Variants in NEURL4 observed in about 807,000 individuals in gnomAD.
NEURL4 encodes neuralized E3 ubiquitin protein ligase 4, also known as neuralized-like protein 4.
NEURL4 carries 45 observed loss-of-function variants against 148.0 expected under a neutral mutation model. The observed-to-expected ratio is 0.30, with a 90% CI of 0.24 to 0.39. The LOEUF is 0.39. Among genes scored for constraint, NEURL4 ranks in the 10% least tolerant of loss-of-function variants. The pLI is 1.00. For synonymous variants in NEURL4, 854 were observed against 869.0 expected, an observed-to-expected ratio of 0.98 and a Z score of 0.30; for missense variants, 1,776 against 2,144.0, an observed-to-expected ratio of 0.83 and a Z score of 3.39.
Position 7,323,800 on chromosome 17 carries a change from G to T in NEURL4, c.2261+14C>A. The T allele has an allele frequency of 6.2e-7, 1 of 1,614,146 alleles. No homozygotes were observed. The highest frequency in any genetic ancestry group is 8.5e-7 in the Non-Finnish European group (1 of 1,180,022). ...GCAGGAGGAAGGTGGGGACATGAAA[G>T]TTGAGAGACTGACCGGTTGGAGATG... On this transcript the variant is annotated intron_variant, in intron 12 of 28. Transcript: ENST00000399464.
Position 7,326,411 on chromosome 17 carries a change from C to A in NEURL4, c.1204+26G>T, listed in dbSNP as rs369053080. The A allele has an allele frequency of 1.2e-6, 2 of 1,613,238 alleles. No homozygotes were observed. The highest frequency in any genetic ancestry group is 2.2e-5 in the South Asian group (2 of 91,062). On this transcript the variant is annotated intron_variant, in intron 5 of 28. Transcript: ENST00000399464. This position sits in a 1 kb window ranked among gnomAD's most constrained non-coding sequence, Gnocchi z 6.0. ...TCCCCTCAGCAACACCAGGCCTGCACCCCCGCCCCTGCCCGGGGCTGGTAC... is the reference window on the plus strand; with the variant it reads ...TCCCCTCAGCAACACCAGGCCTGCAACCCCGCCCCTGCCCGGGGCTGGTAC...
chr17:7,324,117 C>A lies in NEURL4; in HGVS notation c.2053G>T (p.Asp685Tyr). The change falls in exon 11 of 29, where the codon GAC becomes TAC. Residue 685 changes from aspartate to tyrosine, a missense_variant. Coordinates refer to ENST00000399464, the MANE Select transcript of NEURL4 (RefSeq NM_032442.3). This position sits in a 1 kb window ranked among gnomAD's most constrained non-coding sequence, Gnocchi z 5.9. Reference sequence around the variant, plus strand: ...CCAGCCCGGCCCTCACCCACGTCGTCCACAATGGTGGCCTGGGCCGCCTGG... The same window carrying A: ...CCAGCCCGGCCCTCACCCACGTCGTACACAATGGTGGCCTGGGCCGCCTGG... Reference protein sequence around the residue: ...YGQAAQATIVDDVEVAPVPEP... With the variant: ...YGQAAQATIVYDVEVAPVPEP... 6.2e-7 allele frequency: 1 copy of A among 1,613,052 alleles called. No homozygotes were observed. The highest frequency in any genetic ancestry group is 8.5e-7 in the Non-Finnish European group (1 of 1,179,986).
Position 7,327,802 on chromosome 17 carries a change from C to A in NEURL4, c.365G>T (p.Gly122Val). 6.2e-7 allele frequency: 1 copy of A among 1,613,984 alleles called. No individual in the cohort carries two copies. Among genetic ancestry groups the A allele is most frequent in the Non-Finnish European group, 8.5e-7 (1 of 1,180,028 alleles). ...CACTACCCACGAGCCCCCCTTCAGGCCCGTGGCACTGCTTGGAAAGTCCAG... is the reference window on the plus strand; with the variant it reads ...CACTACCCACGAGCCCCCCTTCAGGACCGTGGCACTGCTTGGAAAGTCCAG... ...SVLDFPSSAT[G>V]LKGGSWVVSG... Residue 122 changes from glycine to valine, a missense_variant, in exon 2 of 29, where the codon GGC becomes GTC. Coordinates refer to ENST00000399464, the MANE Select transcript of NEURL4 (RefSeq NM_032442.3). The surrounding 1 kb of genome is among the most constrained non-coding windows in gnomAD (Gnocchi z 6.6).
chr17:7,316,610 G>A (rs2072949116), intron 28 of NEURL4, among the ~76,000 whole-genome samples: 1 of 152,134 alleles, frequency 6.6e-6, no homozygotes, highest in Admixed American at 6.5e-5. Flanking sequence ...TGTTTCCATA[G>A]TCCTTACTTA....
At chr17:7,325,162 C>CCCCCCCCCCAA in intron 8 of NEURL4, 47 bp downstream of exon 8, 1 of 748,832 alleles carries the variant, frequency 1.3e-6, no homozygotes. Flanking sequence ...CCCCCCCCCC[C>CCCCCCCCCCAA]CATTAGAATC....
chr17:7,322,391 C>T lies in NEURL4; in HGVS notation c.2725+344G>A, dbSNP rs556840517. On this transcript the variant is annotated intron_variant, in intron 16 of 28. Coordinates refer to ENST00000399464, the MANE Select transcript of NEURL4 (RefSeq NM_032442.3). This position sits in a 1 kb window ranked among gnomAD's most constrained non-coding sequence, Gnocchi z 5.5. ...CAGGCTGGTCTCAAACTCTTGTGCTCGAGAGATCCACCTGCCTTGAACTCC... is the reference window on the plus strand; with the variant it reads ...CAGGCTGGTCTCAAACTCTTGTGCTTGAGAGATCCACCTGCCTTGAACTCC... Among the ~76,000 whole-genome samples the T allele has an allele frequency of 9.2e-5, 14 of 152,280 alleles. No homozygotes were observed. Among genetic ancestry groups the T allele is most frequent in the Middle Eastern group, 3.4e-3 (1 of 294 alleles).
chr17:7,320,020 C>T (rs1190996714), intron 21 of NEURL4, among the ~76,000 whole-genome samples: 4 of 151,096 alleles, frequency 2.6e-5, no homozygotes, highest in Admixed American at 6.6e-5. Flanking sequence ...TTAGTAGAGA[C>T]GGGGTTTCAC....
Position 7,324,356 on chromosome 17 carries a change from G to A in NEURL4, c.1899+39C>T, listed in dbSNP as rs1440011400. Reference sequence around the variant, plus strand: ...GCATCAGCCCCGCGGTGTTTGTGATGCCCGCTGCGGCCGCCAGGCGGCGCA... The same window carrying A: ...GCATCAGCCCCGCGGTGTTTGTGATACCCGCTGCGGCCGCCAGGCGGCGCA... On this transcript the variant is annotated intron_variant, in intron 10 of 28. Coordinates refer to ENST00000399464, the MANE Select transcript of NEURL4 (RefSeq NM_032442.3). This position sits in a 1 kb window ranked among gnomAD's most constrained non-coding sequence, Gnocchi z 5.9. 6.2e-7 allele frequency: 1 copy of A among 1,613,676 alleles called. No homozygotes were observed. Among genetic ancestry groups the A allele is most frequent in the African/African-American group, 1.3e-5 (1 of 74,926 alleles).
In NEURL4 at chr17:7,326,724, T is replaced by C. The variant is rs879117502; in HGVS notation, c.1079A>G (p.Asn360Ser). The C allele has an allele frequency of 2.5e-6, 4 of 1,610,136 alleles. No individual in the cohort carries two copies. Among genetic ancestry groups the C allele is most frequent in the South Asian group, 1.1e-5 (1 of 90,640 alleles). Reference sequence around the variant, plus strand: ...GACTTTGCACACCTCAAACATCTCATTGTCCCGAAGGGGGCGATTGGTCAT... The same window carrying C: ...GACTTTGCACACCTCAAACATCTCACTGTCCCGAAGGGGGCGATTGGTCAT... ...VVMTNRPLRD[N>S]EMFEIRIDKL... Residue 360 changes from asparagine to serine, a missense_variant, in exon 4 of 29, where the codon AAT (asparagine) becomes AGT (serine). Transcript: ENST00000399464. This position sits in a 1 kb window ranked among gnomAD's most constrained non-coding sequence, Gnocchi z 6.0.
rs1395346836 is a variant in NEURL4 at position 7,324,039 on chromosome 17, G to C, written c.2063-27C>G. 2.5e-6 allele frequency: 4 copies of C among 1,608,438 alleles called. No homozygotes were observed. Among genetic ancestry groups the C allele is most frequent in the Non-Finnish European group, 3.4e-6 (4 of 1,179,838 alleles). On this transcript the variant is annotated intron_variant, in intron 11 of 28. Transcript: ENST00000399464. This position sits in a 1 kb window ranked among gnomAD's most constrained non-coding sequence, Gnocchi z 5.9. ...TGTAAAAGTGGACATCACCCATCAG[G>C]TCTCTAGGTGTCTCTCAGACCTCCC...
chr17:7,321,135 C>T lies in NEURL4; in HGVS notation c.3337G>A (p.Glu1113Lys), dbSNP rs748037876. 1.8e-5 allele frequency: 29 copies of T among 1,613,710 alleles called. No homozygotes were observed. In the East Asian group the frequency reaches 3.3e-4, roughly 19 times the overall value. ...ACTCCCAGGCCATGCTCCTCGCCCT[C>T]GTCATCCTCCTCGCCCTCACTGCCG... is the stretch of plus-strand genomic sequence containing the variant. The part of the protein sequence containing the change: ...DTGSEGEEDD[E>K]GEEHGLGGQN... Residue 1113 changes from glutamate (E) to lysine (K), a missense_variant, in exon 20 of 29, where the codon GAG becomes AAG. By Grantham distance (56) the Glu-to-Lys change is moderately conservative. Coordinates refer to ENST00000399464, the MANE Select transcript of NEURL4 (RefSeq NM_032442.3). The surrounding 1 kb of genome is among the most constrained non-coding windows in gnomAD (Gnocchi z 6.3).
Position 7,315,703 on chromosome 17 carries a change from G to C in NEURL4, c.*420C>G, listed in dbSNP as rs2072932124. On this transcript the variant is annotated 3_prime_UTR_variant, in exon 29 of 29. Coordinates refer to ENST00000399464, the MANE Select transcript of NEURL4 (RefSeq NM_032442.3). ...AACTGTACAGAGGCCCCCATCTTCC[G>C]TGCGCCCACCCTTCCCCACTCCCGC... The C allele has an allele frequency of 2.2e-6, 1 of 449,438 alleles. No homozygotes were observed. Among genetic ancestry groups the C allele is most frequent in the South Asian group, 5.3e-5 (1 of 18,808 alleles). The allele number at this position is 449,438 out of a possible 1,614,324, so 27.8% of individuals were successfully genotyped here.
Position 7,317,513 on chromosome 17 carries a change from C to G in NEURL4, c.4266G>C (p.Gly1422=), listed in dbSNP as rs748645631. 2 of 1,614,064 alleles carry G rather than the reference C, an allele frequency of 1.2e-6. No homozygotes were observed. Among genetic ancestry groups the G allele is most frequent in the Non-Finnish European group, 1.7e-6 (2 of 1,180,040 alleles). Residue 1422 remains glycine, a synonymous_variant, in exon 27 of 29, where the codon GGG becomes GGC. Coordinates refer to ENST00000399464, the MANE Select transcript of NEURL4 (RefSeq NM_032442.3). The part of the protein sequence containing the change: ...LTKKWHMAYH[G]SNVAAVRRVL... Reference sequence around the variant, plus strand: ...CTCTCCGTACAGCGGCAACATTGCTCCCGTGATATGCCATGTGCCACTTCT... The same window carrying G: ...CTCTCCGTACAGCGGCAACATTGCTGCCGTGATATGCCATGTGCCACTTCT...
Position 7,315,985 on chromosome 17 carries a change from G to A in NEURL4, c.*138C>T, listed in dbSNP as rs977766586. The A allele has an allele frequency of 1.5e-6, 1 of 646,110 alleles. No individual in the cohort carries two copies. The highest frequency in any genetic ancestry group is 2.8e-6 in the Non-Finnish European group (1 of 353,386). The allele number at this position is 646,110 out of a possible 1,614,324, so 40.0% of individuals were successfully genotyped here. The stretch of plus-strand genomic sequence containing the variant: ...ACTTGCCACCTACATCTGAGAGCCT[G>A]CCTACATGCTCCTGCGCGGCTGCCA... On this transcript the variant is annotated 3_prime_UTR_variant, in exon 29 of 29. Transcript: ENST00000399464.
In NEURL4 at chr17:7,325,346, C is replaced by T; in HGVS notation, c.1494G>A (p.Leu498=). 1 of 1,613,522 alleles carries T rather than the reference C, an allele frequency of 6.2e-7. No individual in the cohort carries two copies. Among genetic ancestry groups the T allele is most frequent in the Admixed American group, 1.7e-5 (1 of 59,916 alleles). Residue 498 remains leucine, a synonymous_variant, in exon 8 of 29, where the codon CTG becomes CTA. Transcript: ENST00000399464. ...SDRLRRNNAI[L]RALSPEGALR... The stretch of plus-strand genomic sequence containing the variant: ...GAGCACCCTCGGGGGACAGCGCCCG[C>T]AGGATGGCGTTGTTTCGGCGGAGAC...
At position 7,321,091 on chromosome 17, in the gene NEURL4, G is replaced by C; in HGVS notation, c.3360+21C>G. 6.2e-6 allele frequency: 10 copies of C among 1,611,746 alleles called. No homozygotes were observed. Among genetic ancestry groups the C allele is most frequent in the Non-Finnish European group, 8.5e-6 (10 of 1,178,846 alleles). ...CAACTGCCCATCCATGTGCACAGCA[G>C]ACCATGCTGCAGCCTCTTACTCCCA... On this transcript the variant is annotated intron_variant, in intron 20 of 28. Coordinates refer to ENST00000399464, the MANE Select transcript of NEURL4 (RefSeq NM_032442.3). This position sits in a 1 kb window ranked among gnomAD's most constrained non-coding sequence, Gnocchi z 6.3.
At chr17:7,320,689 T>A in intron 21 of NEURL4, 70 bp downstream of exon 21, 1 of 1,472,848 alleles carries the variant, frequency 6.8e-7, no homozygotes, top group Non-Finnish European at 9.2e-7. Flanking sequence ...CAAAAAGGCC[T>A]TTTTTCAGGG....
intron 7 of NEURL4, 66 bp downstream of exon 7, chr17:7,325,575 G>A: frequency 1.3e-5 from 20 of 1,588,162 alleles, no homozygotes; most frequent in Non-Finnish European, 1.6e-5. Context: ...GGAGGATGAG[G>A]TACAGCCCCC....
intron 8 of NEURL4, 41 bp from the exon 9 acceptor site, chr17:7,325,021 G>A (rs763953891): frequency 1.3e-5 from 21 of 1,605,266 alleles, no homozygotes; most frequent in South Asian, 3.3e-5. Context: ...CCCAACACAC[G>A]CTCTCAATGT....
Sources: gnomAD v4.1 joint callset for allele counts (sites outside exome capture counted in the v4.1 genomes callset) on GRCh38, gnomAD v4.1.1 for gene constraint, Gnocchi (gnomAD v3.1) non-coding constraint, MANE v1.5 for transcripts, NCBI Gene and HGNC (gene_info 2026-07-23, HGNC 2026-07-21) for gene names.